Variants in PPP2R2D observed in about 807,000 individuals in gnomAD.
PPP2R2D encodes the protein protein phosphatase 2 regulatory subunit Bdelta.
PPP2R2D carries 9 observed loss-of-function variants against 31.1 expected under a neutral mutation model. That is an observed-to-expected ratio of 0.29 (90% CI 0.17 to 0.51). PPP2R2D has a LOEUF of 0.51. Ranked by LOEUF, PPP2R2D falls within the 20% of genes least tolerant of loss-of-function variation. The pLI, the probability that PPP2R2D is intolerant of heterozygous loss-of-function variation, is 0.98. For synonymous variants in PPP2R2D, 179 were observed against 172.6 expected, an observed-to-expected ratio of 1.04 and a Z score of -0.29; for missense variants, 391 against 465.6, an observed-to-expected ratio of 0.84 and a Z score of 1.48.
At chr10:131,915,250 G>A (rs2035757169) in intron 2 of PPP2R2D, among the ~76,000 whole-genome samples, 1 of 152,042 alleles carries the variant, frequency 6.6e-6, no homozygotes, top group Non-Finnish European at 1.5e-5. Context: ...GGGGATTCGT[G>A]CCTTACGTGT....
At chr10:131,929,877 T>C (rs1236728628) in intron 2 of PPP2R2D, among the ~76,000 whole-genome samples, 2 of 152,280 alleles carry the variant, frequency 1.3e-5, no homozygotes, top group East Asian at 3.9e-4. Context: ...CCTCGTCACC[T>C]GCCCCTCCTC....
At chr10:131,913,184 A>ATT (rs36188479) in intron 2 of PPP2R2D, among the ~76,000 whole-genome samples, 18,222 of 134,680 alleles carry the variant, frequency 0.14, 1,348 homozygotes, top group Non-Finnish European at 0.16. Flanking sequence ...TGCCCGGCTA[A>ATT]TTTTTTTTTT....
intron 2 of PPP2R2D, among the ~76,000 whole-genome samples, chr10:131,905,773 C>A (rs1195901096): frequency 1.3e-5 from 2 of 152,234 alleles, no homozygotes; most frequent in Non-Finnish European, 2.9e-5. Flanking sequence ...CGACTGGCCG[C>A]AGAGCCGTGG....
intron 2 of PPP2R2D, among the ~76,000 whole-genome samples, chr10:131,929,967 G>T (rs1554895459): frequency 6.6e-6 from 1 of 152,100 alleles, no homozygotes; most frequent in East Asian, 1.9e-4. Context: ...CGAACCGTCA[G>T]TGCCAACCTC....
At chr10:131,938,067 C>T (rs1378869633) in intron 3 of PPP2R2D, among the ~76,000 whole-genome samples, 2 of 151,766 alleles carry the variant, frequency 1.3e-5, no homozygotes, top group Admixed American at 6.6e-5. Flanking sequence ...ATGCCCTGCA[C>T]GTCAGACTCA....
intron 2 of PPP2R2D, among the ~76,000 whole-genome samples, chr10:131,908,271 C>T (rs1029579042): frequency 1.1e-4 from 16 of 152,130 alleles, no homozygotes; most frequent in Admixed American, 5.9e-4. Context: ...TTGATCTTTG[C>T]TCCTGTTTCT....
At chr10:131,913,736 G>A (rs1349915359) in intron 2 of PPP2R2D, among the ~76,000 whole-genome samples, 4 of 152,154 alleles carry the variant, frequency 2.6e-5, no homozygotes, top group East Asian at 3.9e-4. Context: ...CTCCATTATT[G>A]TCTCATGGGA....
downstream of PPP2R2D, among the ~76,000 whole-genome samples, chr10:131,961,421 C>A (rs561129453): frequency 6.6e-5 from 10 of 152,050 alleles, no homozygotes; most frequent in Non-Finnish European, 8.8e-5. Flanking sequence ...GGTGGCAACC[C>A]CTCCTAAGTG....
chr10:131,915,177 G>C (rs2035755645), intron 2 of PPP2R2D, among the ~76,000 whole-genome samples: 1 of 151,544 alleles, frequency 6.6e-6, no homozygotes, highest in South Asian at 2.1e-4. Context: ...AAAAGCTCTA[G>C]TACATAACTA....
At chr10:131,963,319 TAAAG>T (rs200185298), downstream of PPP2R2D, among the ~76,000 whole-genome samples, 197 of 152,352 alleles carry the variant, frequency 1.3e-3, 1 homozygote, top group East Asian at 0.035. Flanking sequence ...TGTTTTTTCT[TAAAG>T]AAGCTGTGAA....
At chr10:131,924,245 A>G (rs1410514624) in intron 2 of PPP2R2D, among the ~76,000 whole-genome samples, 1 of 152,078 alleles carries the variant, frequency 6.6e-6, no homozygotes, top group Non-Finnish European at 1.5e-5. Context: ...GTCTAATCCA[A>G]GATTGTGAAG....
intron 3 of PPP2R2D, among the ~76,000 whole-genome samples, chr10:131,936,836 C>T (rs527799265): frequency 2.2e-4 from 33 of 152,268 alleles, no homozygotes; most frequent in Admixed American, 1.9e-3. Flanking sequence ...TCTTTTTCTT[C>T]GTATTTCGGT....
the PPP2R2D span, chr10:131,969,495 G>A: frequency 6.6e-6 from 1 of 152,280 alleles, no homozygotes; most frequent in African/African-American, 2.4e-5. Context: ...CGGGTTATGG[G>A]GGGGACGTGA....
intron 2 of PPP2R2D, among the ~76,000 whole-genome samples, chr10:131,917,344 GAC>G (rs111932654): frequency 0.12 from 14,469 of 119,630 alleles, 1,490 homozygotes; most frequent in Non-Finnish European, 0.13. Context: ...CGGGTGGGAT[GAC>G]ACAGTGTAGG....
intron 2 of PPP2R2D, among the ~76,000 whole-genome samples, chr10:131,924,360 G>A (rs1037220946): frequency 1.3e-5 from 2 of 152,068 alleles, no homozygotes; most frequent in African/African-American, 4.8e-5. Flanking sequence ...ATTTTTATAT[G>A]TGGTGTTAAG....
intron 5 of PPP2R2D, among the ~76,000 whole-genome samples, chr10:131,942,193 G>A (rs1554897339): frequency 1.3e-5 from 2 of 152,098 alleles, no homozygotes; most frequent in South Asian, 2.1e-4. Flanking sequence ...AGAAACCCCT[G>A]TTCCTCCTGA....
intron 8 of PPP2R2D, among the ~76,000 whole-genome samples, chr10:131,951,819 CA>C (rs1313099092): frequency 6.8e-6 from 1 of 147,172 alleles, no homozygotes; most frequent in Admixed American, 6.7e-5. Flanking sequence ...GACTCTGTCT[CA>C]AAAAAAAACA....
chr10:131,902,557 C>T (rs1168259411), intron 2 of PPP2R2D, among the ~76,000 whole-genome samples: 7 of 152,248 alleles, frequency 4.6e-5, no homozygotes, highest in Middle Eastern at 3.4e-3. Flanking sequence ...AAACTAGGTG[C>T]ATTTTATGTG....
At chr10:131,938,446 C>G (rs1363866883) in intron 3 of PPP2R2D, among the ~76,000 whole-genome samples, 1 of 152,098 alleles carries the variant, frequency 6.6e-6, no homozygotes, top group Non-Finnish European at 1.5e-5. Flanking sequence ...ACCTGCAAAC[C>G]CACCACCCAG....
Sources: allele counts gnomAD v4.1 joint callset (sites outside exome capture counted in the v4.1 genomes callset), GRCh38; gene constraint gnomAD v4.1.1; transcripts MANE v1.5; gene names NCBI Gene and HGNC (gene_info 2026-07-23, HGNC 2026-07-21).